The following SH3PXD2A variants were observed in gnomAD, a reference collection of about 807,000 sequenced individuals.
SH3PXD2A encodes the protein SH3 and PX domains 2A.
SH3PXD2A carries 32 observed loss-of-function variants against 115.2 expected under a neutral mutation model. That is an observed-to-expected ratio of 0.28 (90% confidence interval 0.21 to 0.37). The LOEUF (loss-of-function observed/expected upper bound fraction) is 0.37. Ranked by LOEUF, SH3PXD2A falls within the 10% of genes least tolerant of loss-of-function variation. SH3PXD2A has a pLI of 1.00. For synonymous variants in SH3PXD2A, 610 were observed against 629.1 expected (o/e 0.97, Z 0.45); for missense variants, 1,328 against 1,498.7 (o/e 0.89, Z 1.88).
chr10:103,703,873 A>G (rs1333546700), intron 5 of SH3PXD2A, among the ~76,000 whole-genome samples: 1 of 152,062 alleles, frequency 6.6e-6, no homozygotes, highest in Non-Finnish European at 1.5e-5. Flanking sequence ...ATGTGTGTGT[A>G]TGTGTCTCTC....
chr10:103,610,284 G>A (rs964681983), intron 13 of SH3PXD2A, among the ~76,000 whole-genome samples: 6 of 152,376 alleles, frequency 3.9e-5, no homozygotes, highest in East Asian at 1.9e-4. Context: ...TCTCTGGCCA[G>A]GTGGGATGCA....
chr10:103,832,889 A>C (rs1057486499), intron 1 of SH3PXD2A, among the ~76,000 whole-genome samples: 1 of 145,172 alleles, frequency 6.9e-6, no homozygotes, highest in Non-Finnish European at 1.5e-5. Flanking sequence ...CTTCAAGTAT[A>C]ATAAAAAGAA....
intron 13 of SH3PXD2A, among the ~76,000 whole-genome samples, chr10:103,610,883 C>T (rs2036416606): frequency 6.6e-6 from 1 of 152,174 alleles, no homozygotes; most frequent in South Asian, 2.1e-4. Context: ...AAGTGGAATC[C>T]GAATCCATGC....
At position 103,603,237 on chromosome 10, in the gene SH3PXD2A, C is replaced by T. The variant is rs373377492; in HGVS notation, c.1981G>A (p.Gly661Ser). The change falls in exon 15 of 15, where the codon GGC (glycine) becomes AGC (serine). Residue 661 changes from glycine (G) to serine (S), a missense_variant. This residue lies in a region of SH3PXD2A where 574 missense variants were observed against 565.7 expected (regional missense o/e 1.01). Transcript: ENST00000369774. ...SLTRKNSPKS[G>S]SPKSSSLLKL... Reference sequence around the variant, plus strand: ...AGGAGTGATGATGACTTGGGGGAGCCTGATTTGGGGGAGTTTTTCCTGGTC... The same window carrying T: ...AGGAGTGATGATGACTTGGGGGAGCTTGATTTGGGGGAGTTTTTCCTGGTC... 4 of 1,613,686 alleles carry T rather than the reference C, an allele frequency of 2.5e-6. No individual in the cohort carries two copies. The highest frequency in any genetic ancestry group is 1.1e-5 in the South Asian group (1 of 91,084).
chr10:103,750,186 G>A (rs1325740959), intron 3 of SH3PXD2A, among the ~76,000 whole-genome samples: 4 of 152,090 alleles, frequency 2.6e-5, no homozygotes, highest in African/African-American at 7.2e-5. Context: ...CAAGTAGCTG[G>A]GACCACAGGT....
At chr10:103,810,952 G>GCACGCACA (rs2039263605) in intron 1 of SH3PXD2A, among the ~76,000 whole-genome samples, 1 of 19,872 alleles carries the variant, frequency 5.0e-5, no homozygotes, top group Non-Finnish European at 2.6e-4. Context: ...GCGCGCGCGC[G>GCACGCACA]CACACACACA....
chr10:103,643,754 CAT>C (rs2036990185), intron 8 of SH3PXD2A, among the ~76,000 whole-genome samples: 1 of 152,182 alleles, frequency 6.6e-6, no homozygotes, highest in Non-Finnish European at 1.5e-5. Flanking sequence ...CCGCCCAGCA[CAT>C]GTTTGCACGA....
At chr10:103,739,208 C>A (rs986654028) in intron 3 of SH3PXD2A, among the ~76,000 whole-genome samples, 1 of 152,152 alleles carries the variant, frequency 6.6e-6, no homozygotes, top group African/African-American at 2.4e-5. Flanking sequence ...AGCACAGGAC[C>A]CCGCCCTGCC....
chr10:103,622,946 G>C (rs1303265790), intron 9 of SH3PXD2A, among the ~76,000 whole-genome samples: 1 of 152,184 alleles, frequency 6.6e-6, no homozygotes, highest in Non-Finnish European at 1.5e-5. Flanking sequence ...TTCCCAGGAG[G>C]GTGTGGGGTC....
intron 9 of SH3PXD2A, among the ~76,000 whole-genome samples, chr10:103,624,033 T>C (rs3781356): frequency 6.6e-6 from 1 of 152,300 alleles, no homozygotes; most frequent in East Asian, 1.9e-4. Context: ...ATCTTACAAA[T>C]GGGGAGACAG....
chr10:103,836,559 T>A (rs1490081911), intron 1 of SH3PXD2A, among the ~76,000 whole-genome samples: 1 of 146,662 alleles, frequency 6.8e-6, no homozygotes, highest in African/African-American at 2.5e-5. Context: ...TACAGACACA[T>A]CCATACACAC....
At chr10:103,664,897 T>C (rs1351524678) in intron 7 of SH3PXD2A, among the ~76,000 whole-genome samples, 2 of 152,098 alleles carry the variant, frequency 1.3e-5, no homozygotes, top group African/African-American at 4.8e-5. Flanking sequence ...GGCCTTGAAC[T>C]CCTGACCTTA....
In SH3PXD2A at chr10:103,596,784, T is replaced by G. The variant is rs2036143121; in HGVS notation, c.*5032A>C. On this transcript the variant is annotated 3_prime_UTR_variant, in exon 15 of 15. Transcript: ENST00000369774. Reference sequence around the variant, plus strand: ...GCTCTGCTTTGAGATTCTCAAAGACTAAATATCTAGATGGATATACGCCAA... The same window carrying G: ...GCTCTGCTTTGAGATTCTCAAAGACGAAATATCTAGATGGATATACGCCAA... 6.6e-6 allele frequency: 1 copy of G among 152,498 alleles called. No individual in the cohort carries two copies. The highest frequency in any genetic ancestry group is 2.1e-4 in the South Asian group (1 of 4,822). 9.4% of individuals were successfully genotyped at this position (152,498 alleles called of 1,614,324 possible).
At chr10:103,740,562 G>A (rs1261271910) in intron 3 of SH3PXD2A, among the ~76,000 whole-genome samples, 1 of 152,156 alleles carries the variant, frequency 6.6e-6, no homozygotes, top group African/African-American at 2.4e-5. Flanking sequence ...GCCATGAAGA[G>A]TTTGGTAGCT....
At chr10:103,713,673 G>A (rs187427503) in intron 5 of SH3PXD2A, among the ~76,000 whole-genome samples, 78 of 152,278 alleles carry the variant, frequency 5.1e-4, no homozygotes, top group African/African-American at 1.8e-3. Context: ...TTGTTGCTGC[G>A]CAAGGCCCTG....
At chr10:103,684,793 C>G (rs1025860827) in intron 6 of SH3PXD2A, among the ~76,000 whole-genome samples, 1 of 151,914 alleles carries the variant, frequency 6.6e-6, no homozygotes, top group African/African-American at 2.4e-5. Context: ...CTTTGGGAGG[C>G]CGAGGCAGGA....
intron 5 of SH3PXD2A, among the ~76,000 whole-genome samples, chr10:103,694,485 G>A (rs971875074): frequency 1.4e-4 from 22 of 152,108 alleles, no homozygotes; most frequent in African/African-American, 5.3e-4. Context: ...CCCTCTCCTA[G>A]GCATCGACCT....
chr10:103,752,729 C>T (rs906509555), intron 3 of SH3PXD2A, among the ~76,000 whole-genome samples: 4 of 152,208 alleles, frequency 2.6e-5, no homozygotes, highest in African/African-American at 9.6e-5. Context: ...AGTGGGACAT[C>T]TTTCTTCCTT....
chr10:103,806,772 G>T (rs1454593836), intron 1 of SH3PXD2A, among the ~76,000 whole-genome samples: 2 of 152,186 alleles, frequency 1.3e-5, no homozygotes, highest in Non-Finnish European at 2.9e-5. Context: ...CAGATGGTAG[G>T]CGTCTATGAA....
Sources: allele counts gnomAD v4.1 joint callset (sites outside exome capture counted in the v4.1 genomes callset), GRCh38; gene constraint gnomAD v4.1.1; regional missense constraint gnomAD v4.1.1; transcripts MANE v1.5; gene names NCBI Gene and HGNC (gene_info 2026-07-23, HGNC 2026-07-21).